Variants in KLHL32 observed in about 807,000 individuals in gnomAD.
The protein encoded by KLHL32 is kelch-like protein 32.
KLHL32 carries 35 observed loss-of-function variants against 64.8 expected under a neutral mutation model. That is an observed-to-expected ratio of 0.54 (90% CI 0.41 to 0.72). The LOEUF is 0.72. Among genes scored for constraint, KLHL32 ranks in the 30% least tolerant of loss-of-function variants. The probability of loss-of-function intolerance (pLI) is 0.00; values close to 1 mark genes in which losing one functional copy is unlikely to be tolerated. For synonymous variants in KLHL32, 259 were observed against 281.0 expected, an observed-to-expected ratio of 0.92 and a Z score of 0.78; for missense variants, 589 against 768.5, an observed-to-expected ratio of 0.77 and a Z score of 2.76.
At chr6:96,953,871 T>A (rs1000650705) in intron 1 of KLHL32, among the ~76,000 whole-genome samples, 30 of 151,652 alleles carry the variant, frequency 2.0e-4, no homozygotes, top group Non-Finnish European at 4.0e-4. Context: ...TTTTTTTGCT[T>A]ATGTTTTTAT....
chr6:96,972,282 G>A (rs1294588202), intron 2 of KLHL32, among the ~76,000 whole-genome samples: 2 of 152,006 alleles, frequency 1.3e-5, no homozygotes. Context: ...TATTGTCTTT[G>A]ACATTCATTG....
intron 5 of KLHL32, among the ~76,000 whole-genome samples, chr6:97,077,950 G>T (rs190183559): frequency 2.2e-4 from 33 of 152,252 alleles, no homozygotes; most frequent in Non-Finnish European, 4.0e-4. Context: ...CTACATGCAT[G>T]AATAGCTTAG....
intron 5 of KLHL32, among the ~76,000 whole-genome samples, chr6:97,083,823 G>A (rs1792972619): frequency 6.6e-6 from 1 of 152,228 alleles, no homozygotes; most frequent in East Asian, 1.9e-4. Context: ...GGCATTTAAT[G>A]AAGTTTATTG....
chr6:96,911,824 CTTTTTTTTTTTT>C, the KLHL32 span, among the ~76,000 whole-genome samples: 9 of 54,088 alleles, frequency 1.7e-4, no homozygotes, highest in Admixed American at 1.7e-3. Flanking sequence ...CTCGGTCCTT[CTTTTTTTTTTTT>C]TTTTTTTTTT....
Position 96,997,022 on chromosome 6 carries a change from C to T in KLHL32, c.204+20845C>T, listed in dbSNP as rs143124588. On this transcript the variant is annotated intron_variant, in intron 3 of 10. Transcript: ENST00000369261. ...GTAAACAGGACATTGTGATGGATGG[C>T]GATGGGGAGGAAAGACAAGAGTGAG... Among the ~76,000 whole-genome samples the T allele has an allele frequency of 9.9e-5, 15 of 151,796 alleles. No individual in the cohort carries two copies. In the East Asian group the frequency reaches 1.6e-3, roughly 16 times the overall value.
At chr6:96,943,472 G>A (rs886184298) in intron 1 of KLHL32, among the ~76,000 whole-genome samples, 4 of 151,708 alleles carry the variant, frequency 2.6e-5, no homozygotes, top group Non-Finnish European at 4.4e-5. Flanking sequence ...TATTACTGCT[G>A]ACCCCCAATG....
At chr6:96,952,184 C>T (rs1036244968) in intron 1 of KLHL32, among the ~76,000 whole-genome samples, 1 of 152,164 alleles carries the variant, frequency 6.6e-6, no homozygotes, top group Non-Finnish European at 1.5e-5. Context: ...GGGCTTCAGC[C>T]ACCCAAGACC....
At chr6:97,097,673 C>T (rs1795170693) in intron 6 of KLHL32, among the ~76,000 whole-genome samples, 1 of 151,884 alleles carries the variant, frequency 6.6e-6, no homozygotes, top group Admixed American at 6.6e-5. Context: ...AAAGGCACAA[C>T]ACATCTAGAA....
the KLHL32 span, among the ~76,000 whole-genome samples, chr6:96,913,813 G>T: frequency 6.6e-6 from 1 of 152,164 alleles, no homozygotes; most frequent in African/African-American, 2.4e-5. Context: ...GGCTGGCACT[G>T]TCCCCTCCGT....
chr6:96,919,169 G>C, the KLHL32 span, among the ~76,000 whole-genome samples: 1 of 152,138 alleles, frequency 6.6e-6, no homozygotes, highest in African/African-American at 2.4e-5. Flanking sequence ...GCATATTCAG[G>C]TTTTCCCTCC....
intron 7 of KLHL32, among the ~76,000 whole-genome samples, chr6:97,126,669 T>C (rs1371726102): frequency 6.6e-6 from 1 of 152,190 alleles, no homozygotes; most frequent in Admixed American, 6.5e-5. Context: ...ATGGCTAATC[T>C]GTACTGAGAT....
intron 7 of KLHL32, among the ~76,000 whole-genome samples, chr6:97,117,540 G>A (rs942567526): frequency 3.3e-5 from 5 of 152,302 alleles, no homozygotes; most frequent in African/African-American, 9.6e-5. Flanking sequence ...ATGACAAGCC[G>A]AAAGGAATCC....
chr6:97,138,533 A>G (rs1022731640), intron 10 of KLHL32, among the ~76,000 whole-genome samples: 1 of 141,026 alleles, frequency 7.1e-6, no homozygotes, highest in Admixed American at 7.0e-5. Context: ...CTGTCTCAAA[A>G]CAAAAACAAA....
chr6:97,104,976 T>C (rs533137820), intron 6 of KLHL32, among the ~76,000 whole-genome samples: 126 of 152,354 alleles, frequency 8.3e-4, no homozygotes, highest in African/African-American at 2.9e-3. Context: ...GCTATTCTGG[T>C]TTATGACACC....
rs183905610 is a variant in KLHL32 at position 97,020,581 on chromosome 6, C to T, written c.205-20911C>T. Among the ~76,000 whole-genome samples, 3 of 150,904 alleles carry T rather than the reference C, an allele frequency of 2.0e-5. 1 individual carries two copies. The highest frequency in any genetic ancestry group is 7.5e-5 in the African/African-American group (3 of 40,266). On this transcript the variant is annotated intron_variant, in intron 3 of 10. Coordinates refer to ENST00000369261, the MANE Select transcript of KLHL32 (RefSeq NM_052904.4). Reference sequence around the variant, plus strand: ...TATTACATAAACCTGTTCTAAAGTCCAGAAGAAGATGGAAAGCCACACACC... The same window carrying T: ...TATTACATAAACCTGTTCTAAAGTCTAGAAGAAGATGGAAAGCCACACACC...
At chr6:97,047,216 T>C (rs1786070312) in intron 4 of KLHL32, among the ~76,000 whole-genome samples, 1 of 152,248 alleles carries the variant, frequency 6.6e-6, no homozygotes, top group Non-Finnish European at 1.5e-5. Context: ...ATGCATTTCC[T>C]ATCAAGTAGC....
At chr6:96,974,225 T>C (rs1775458937) in intron 2 of KLHL32, among the ~76,000 whole-genome samples, 2 of 152,200 alleles carry the variant, frequency 1.3e-5, no homozygotes. Flanking sequence ...TGGGACACGG[T>C]AAGCACTATG....
chr6:96,994,627 T>C, intron 3 of KLHL32: 1 of 985,346 alleles, frequency 1.0e-6, no homozygotes, highest in South Asian at 4.7e-5. Flanking sequence ...TAATATCAGC[T>C]TTTCTTGTTT....
At chr6:97,060,537 C>A (rs920555077) in intron 4 of KLHL32, among the ~76,000 whole-genome samples, 5 of 152,178 alleles carry the variant, frequency 3.3e-5, no homozygotes, top group African/African-American at 1.2e-4. Flanking sequence ...TACAGAATCT[C>A]ACCTCAGGTC....
Sources: allele counts gnomAD v4.1 joint callset (sites outside exome capture counted in the v4.1 genomes callset), GRCh38; gene constraint gnomAD v4.1.1; transcripts MANE v1.5; gene names NCBI Gene and HGNC (gene_info 2026-07-23, HGNC 2026-07-21).